The following LRP1B variants were observed in gnomAD, a reference collection of about 807,000 sequenced individuals.
The protein encoded by LRP1B is low-density lipoprotein receptor-related protein 1B.
LRP1B carries 217 observed loss-of-function variants against 556.6 expected under a neutral mutation model. That is an observed-to-expected ratio of 0.39 (90% CI 0.35 to 0.44). The LOEUF is 0.44. Among genes scored for constraint, LRP1B ranks in the 20% least tolerant of loss-of-function variants. LRP1B has a pLI of 1.00. For synonymous variants in LRP1B, 2,047 were observed against 1,865.8 expected, an observed-to-expected ratio of 1.10 and a Z score of -2.50; for missense variants, 5,053 against 5,620.8, an observed-to-expected ratio of 0.90 and a Z score of 3.23.
At chr2:140,704,291 A>T (rs1686749548) in intron 37 of LRP1B, among the ~76,000 whole-genome samples, 1 of 152,146 alleles carries the variant, frequency 6.6e-6, no homozygotes, top group South Asian at 2.1e-4. Flanking sequence ...AGATAAAAAT[A>T]TATGTATTAT....
chr2:141,385,717 A>G (rs1466943874), intron 3 of LRP1B, among the ~76,000 whole-genome samples: 1 of 152,098 alleles, frequency 6.6e-6, no homozygotes, highest in African/African-American at 2.4e-5. Flanking sequence ...TATTCCCTCA[A>G]CTGCTTCTGA....
intron 32 of LRP1B, among the ~76,000 whole-genome samples, 198 bp downstream of exon 32, chr2:140,813,459 G>A (rs1393212332): frequency 2.0e-5 from 3 of 152,164 alleles, no homozygotes; most frequent in Non-Finnish European, 4.4e-5. Context: ...CTAACACTAA[G>A]TTTCTGATCT....
chr2:141,593,357 T>C (rs1450067497), intron 2 of LRP1B, among the ~76,000 whole-genome samples: 1 of 152,226 alleles, frequency 6.6e-6, no homozygotes, highest in African/African-American at 2.4e-5. Flanking sequence ...TTGTTGTTGT[T>C]AGCAAGAAAT....
chr2:140,250,123 A>C (rs1041913285), intron 86 of LRP1B, among the ~76,000 whole-genome samples: 5 of 151,874 alleles, frequency 3.3e-5, no homozygotes, highest in Admixed American at 6.6e-5. Context: ...AGCCCTGCAC[A>C]ACCCTGCTAG....
intron 66 of LRP1B, among the ~76,000 whole-genome samples, chr2:140,395,249 A>G (rs1558852711): frequency 6.6e-6 from 1 of 152,212 alleles, no homozygotes; most frequent in East Asian, 1.9e-4. Flanking sequence ...CTGCCAGAAG[A>G]GTCAGAATCA....
Position 140,719,789 on chromosome 2 carries a change from G to A in LRP1B, c.5759-2973C>T, listed in dbSNP as rs115735401. ...GGAAATTGGTGAGTAAATTAATCAT[G>A]TGATGATGCATTAAGGAGAACCAAG... On this transcript the variant is annotated intron_variant, in intron 35 of 90. Coordinates refer to ENST00000389484, the MANE Select transcript of LRP1B (RefSeq NM_018557.3). Among the ~76,000 whole-genome samples, 683 of 152,132 alleles carry A rather than the reference G, an allele frequency of 4.5e-3. 6 individuals carry two copies. Among genetic ancestry groups the A allele is most frequent in the Middle Eastern group, 0.024 (7 of 294 alleles).
At chr2:140,873,937 G>A (rs188173258) in intron 25 of LRP1B, among the ~76,000 whole-genome samples, 1 of 150,322 alleles carries the variant, frequency 6.7e-6, no homozygotes, top group Non-Finnish European at 1.5e-5. Context: ...AAAATAAAGA[G>A]GTTTTTTTTT....
Position 140,240,353 on chromosome 2 carries a change from A to G in LRP1B, c.13325-821T>C, listed in dbSNP as rs184159415. 2.4e-3 allele frequency among the ~76,000 whole-genome samples: 366 copies of G among 150,914 alleles called. 1 individual carries two copies. Among genetic ancestry groups the G allele is most frequent in the African/African-American group, 8.5e-3 (351 of 41,382 alleles). ...TAGATCTTCAAAAATGATCAGTGAA[A>G]TTTGGTCTTTGTTTTTATGCATCTG... On this transcript the variant is annotated intron_variant, in intron 87 of 90. Transcript: ENST00000389484.
rs557828115 is a variant in LRP1B at position 140,324,913 on chromosome 2, A to C, written c.12341-847T>G. Among the ~76,000 whole-genome samples the C allele has an allele frequency of 1.9e-3, 292 of 151,654 alleles. 1 individual carries two copies. The highest frequency in any genetic ancestry group is 6.3e-3 in the African/African-American group (259 of 41,378). Reference sequence around the variant, plus strand: ...ATCTGAGGCCATTGATTAAAAAAAAAACACACACACTTTAGGCAAAGGCAC... The same window carrying C: ...ATCTGAGGCCATTGATTAAAAAAAACACACACACACTTTAGGCAAAGGCAC... On this transcript the variant is annotated intron_variant, in intron 80 of 90. Transcript: ENST00000389484.
At chr2:141,944,220 T>A (rs1700893402) in intron 1 of LRP1B, among the ~76,000 whole-genome samples, 1 of 152,196 alleles carries the variant, frequency 6.6e-6, no homozygotes, top group African/African-American at 2.4e-5. Flanking sequence ...GAATTCCTCA[T>A]AGATGGTGAT....
intron 2 of LRP1B, among the ~76,000 whole-genome samples, chr2:141,580,216 G>T (rs1364016028): frequency 6.6e-6 from 1 of 152,010 alleles, no homozygotes; most frequent in Non-Finnish European, 1.5e-5. Context: ...TACATAAATA[G>T]TTTTTTTAAG....
chr2:141,143,761 C>G (rs978345107), intron 7 of LRP1B, among the ~76,000 whole-genome samples: 1 of 152,052 alleles, frequency 6.6e-6, no homozygotes, highest in Admixed American at 6.6e-5. Context: ...TATCTCCCCC[C>G]AGTCTTCCCA....
intron 3 of LRP1B, among the ~76,000 whole-genome samples, chr2:141,412,431 G>T (rs1320671044): frequency 2.6e-5 from 4 of 152,232 alleles, no homozygotes; most frequent in African/African-American, 7.2e-5. Flanking sequence ...AAATCCAAAG[G>T]TAACTTTTTA....
At chr2:141,952,910 A>G (rs557469284) in intron 1 of LRP1B, among the ~76,000 whole-genome samples, 1 of 152,194 alleles carries the variant, frequency 6.6e-6, no homozygotes, top group South Asian at 2.1e-4. Context: ...GTCCTCAGAG[A>G]CTTGAGCTGT....
intron 11 of LRP1B, among the ~76,000 whole-genome samples, chr2:141,032,408 T>A (rs1220728645): frequency 1.3e-5 from 2 of 152,136 alleles, no homozygotes; most frequent in African/African-American, 4.8e-5. Context: ...AATTGACAGC[T>A]ATTACTAAAT....
intron 41 of LRP1B, among the ~76,000 whole-genome samples, chr2:140,615,614 A>T (rs1224059192): frequency 6.6e-6 from 1 of 152,052 alleles, no homozygotes; most frequent in East Asian, 1.9e-4. Flanking sequence ...TGGTTGGGGG[A>T]GAGAGGCCAC....
At chr2:140,420,539 T>C (rs1407326512) in intron 66 of LRP1B, among the ~76,000 whole-genome samples, 1 of 152,214 alleles carries the variant, frequency 6.6e-6, no homozygotes, top group Non-Finnish European at 1.5e-5. Context: ...TATATGTCCA[T>C]ACAAGGACTA....
chr2:140,244,747 A>G (rs1681082781), intron 87 of LRP1B, among the ~76,000 whole-genome samples: 1 of 150,490 alleles, frequency 6.6e-6, no homozygotes, highest in South Asian at 2.1e-4. Context: ...CTCTGTATAA[A>G]TTGATAGTAA....
chr2:140,654,924 T>A (rs1455034096), intron 41 of LRP1B, among the ~76,000 whole-genome samples: 1 of 152,150 alleles, frequency 6.6e-6, no homozygotes, highest in Non-Finnish European at 1.5e-5. Flanking sequence ...CCAGTAAGTA[T>A]AATCATTACT....
Sources: gnomAD v4.1 joint callset for allele counts (sites outside exome capture counted in the v4.1 genomes callset) on GRCh38, gnomAD v4.1.1 for gene constraint, MANE v1.5 for transcripts, NCBI Gene and HGNC (gene_info 2026-07-23, HGNC 2026-07-21) for gene names.